The following UMAD1 variants were observed in gnomAD, a reference collection of about 807,000 sequenced individuals.
The protein encoded by UMAD1 is UBAP1-MVB12-associated (UMA)-domain containing protein 1.
Under a neutral mutation model 6.1 loss-of-function variants are expected in UMAD1, and 8 were observed. The ratio of observed to expected loss-of-function variants is 1.30; its 90% CI spans 0.76 to 2.35. The LOEUF (loss-of-function observed/expected upper bound fraction) is 2.35. UMAD1 is among the 30% of genes most tolerant of loss of function. UMAD1 has a pLI of 0.00. For missense variants in UMAD1, 130 were observed against 78.4 expected (o/e 1.66, Z -2.49); for synonymous variants, 56 against 31.4 (o/e 1.78, Z -2.61).
At chr7:7,659,038 G>A (rs950830748) in intron 1 of UMAD1, among the ~76,000 whole-genome samples, 3 of 152,166 alleles carry the variant, frequency 2.0e-5, no homozygotes, top group South Asian at 2.1e-4. Flanking sequence ...ACTTGGGAAG[G>A]TGTATGTGTC....
intron 3 of UMAD1, among the ~76,000 whole-genome samples, chr7:7,846,262 T>C (rs1435504940): frequency 6.6e-6 from 1 of 152,208 alleles, no homozygotes; most frequent in Non-Finnish European, 1.5e-5. Flanking sequence ...GTGTCCATTT[T>C]ATCTCAAAGA....
intron 2 of UMAD1, among the ~76,000 whole-genome samples, chr7:7,702,673 T>C (rs1337656295): frequency 6.6e-6 from 1 of 152,230 alleles, no homozygotes; most frequent in Non-Finnish European, 1.5e-5. Flanking sequence ...GTATATTAAG[T>C]GACTTTCTTT....
chr7:7,692,875 G>A (rs764026135), intron 2 of UMAD1, among the ~76,000 whole-genome samples: 16 of 152,160 alleles, frequency 1.1e-4, no homozygotes, highest in Non-Finnish European at 1.5e-4. Flanking sequence ...CCACAGGGCT[G>A]GGATTACAGG....
At chr7:7,710,088 T>C (rs1456367981) in intron 2 of UMAD1, among the ~76,000 whole-genome samples, 1 of 152,222 alleles carries the variant, frequency 6.6e-6, no homozygotes, top group Non-Finnish European at 1.5e-5. Context: ...CTCAGTATCA[T>C]GTATCTGGTC....
intron 2 of UMAD1, among the ~76,000 whole-genome samples, chr7:7,679,704 A>G (rs902014292): frequency 4.5e-5 from 6 of 133,162 alleles, no homozygotes; most frequent in Admixed American, 8.1e-5. Flanking sequence ...TATTTAATTT[A>G]TAGATAAATA....
At chr7:7,682,164 G>C (rs1779929414) in intron 2 of UMAD1, among the ~76,000 whole-genome samples, 1 of 152,014 alleles carries the variant, frequency 6.6e-6, no homozygotes, top group Non-Finnish European at 1.5e-5. Flanking sequence ...CTTCAAGTAG[G>C]GCATAAGAAC....
chr7:7,751,777 C>T (rs1195427944), intron 2 of UMAD1, among the ~76,000 whole-genome samples: 1 of 152,158 alleles, frequency 6.6e-6, no homozygotes, highest in Non-Finnish European at 1.5e-5. Flanking sequence ...CAAGGCTCTG[C>T]GAGGACCTCT....
At chr7:7,809,556 A>G (rs940459055) in intron 3 of UMAD1, among the ~76,000 whole-genome samples, 4 of 151,978 alleles carry the variant, frequency 2.6e-5, no homozygotes, top group Non-Finnish European at 4.4e-5. Context: ...CATGGTAAAA[A>G]CATTTAAAAT....
intron 2 of UMAD1, among the ~76,000 whole-genome samples, chr7:7,733,465 C>T (rs1439178203): frequency 4.0e-5 from 6 of 151,384 alleles, no homozygotes; most frequent in African/African-American, 1.2e-4. Context: ...CCTGCAATTC[C>T]GTACATTATA....
At chr7:7,651,969 C>G (rs996482203) in intron 1 of UMAD1, among the ~76,000 whole-genome samples, 13 of 152,146 alleles carry the variant, frequency 8.5e-5, no homozygotes, top group Non-Finnish European at 1.9e-4. Context: ...TCCCTCTCTC[C>G]CCTTGCAAGA....
chr7:7,742,285 C>A (rs1354348738), intron 2 of UMAD1: 1 of 652,634 alleles, frequency 1.5e-6, no homozygotes, highest in Non-Finnish European at 2.9e-6. Flanking sequence ...TGTCTTCTGT[C>A]TTCTTCATGG....
At chr7:7,873,523 C>G (rs1405226115) in intron 3 of UMAD1, among the ~76,000 whole-genome samples, 1 of 152,182 alleles carries the variant, frequency 6.6e-6, no homozygotes, top group African/African-American at 2.4e-5. Flanking sequence ...ATCTTTATAA[C>G]AAGCTTTATC....
At chr7:7,787,068 A>G (rs1782474828) in intron 2 of UMAD1, among the ~76,000 whole-genome samples, 1 of 152,182 alleles carries the variant, frequency 6.6e-6, no homozygotes, top group Admixed American at 6.5e-5. Context: ...TTGAATTCTA[A>G]TTTCACTAAA....
intron 3 of UMAD1, among the ~76,000 whole-genome samples, chr7:7,835,841 T>C (rs929597773): frequency 1.2e-4 from 19 of 152,100 alleles, no homozygotes; most frequent in African/African-American, 4.3e-4. Flanking sequence ...CATTTAGTTA[T>C]GAGTAATATC....
intron 1 of UMAD1, among the ~76,000 whole-genome samples, chr7:7,657,981 A>G (rs1386728322): frequency 6.6e-6 from 1 of 152,028 alleles, no homozygotes; most frequent in Non-Finnish European, 1.5e-5. Flanking sequence ...GTCCTCTCCT[A>G]TTTCCTTGAG....
chr7:7,680,546 G>A (rs1217209077), intron 2 of UMAD1, among the ~76,000 whole-genome samples: 1 of 152,134 alleles, frequency 6.6e-6, no homozygotes, highest in East Asian at 1.9e-4. Context: ...CTATATAAAT[G>A]TTAGGATTAT....
At chr7:7,701,237 C>T (rs960422651) in intron 2 of UMAD1, among the ~76,000 whole-genome samples, 1 of 152,138 alleles carries the variant, frequency 6.6e-6, no homozygotes, top group African/African-American at 2.4e-5. Context: ...TCCTCTCTAA[C>T]TGTGGGGCTT....
chr7:7,826,588 A>G (rs1783346465), intron 3 of UMAD1, among the ~76,000 whole-genome samples: 1 of 152,148 alleles, frequency 6.6e-6, no homozygotes, highest in African/African-American at 2.4e-5. Context: ...TGGTCTACCC[A>G]TGCTGTTTAT....
intron 3 of UMAD1, among the ~76,000 whole-genome samples, chr7:7,876,447 G>A (rs544787786): frequency 6.6e-6 from 1 of 152,256 alleles, no homozygotes; most frequent in African/African-American, 2.4e-5. Context: ...GCCCAGGCTG[G>A]TTTGAGTTAG....
Sources: gnomAD v4.1 joint callset for allele counts (sites outside exome capture counted in the v4.1 genomes callset) on GRCh38, gnomAD v4.1.1 for gene constraint, MANE v1.5 for transcripts, NCBI Gene and HGNC (gene_info 2026-07-23, HGNC 2026-07-21) for gene names.